Variants in ZNF106 observed in about 807,000 individuals in gnomAD.
ZNF106 encodes SH3-domain binding protein 3.
Under a neutral mutation model 195.1 loss-of-function variants are expected in ZNF106, and 67 were observed. That is an observed-to-expected ratio of 0.34 (90% CI 0.28 to 0.42). ZNF106 has a LOEUF of 0.42. Among genes scored for constraint, ZNF106 ranks in the 10% least tolerant of loss-of-function variants. The pLI is 1.00. For synonymous variants in ZNF106, 784 were observed against 818.6 expected (o/e 0.96, Z 0.72); for missense variants, 2,118 against 2,304.5 (o/e 0.92, Z 1.66).
rs1301850048 is a variant in ZNF106, at chr15:42,430,669, A to G, written c.4882-2535T>C. 2.6e-5 allele frequency among the ~76,000 whole-genome samples: 4 copies of G among 152,004 alleles called. No individual in the cohort carries two copies. The East Asian group carries it at 7.7e-4, about 29-fold the overall frequency. ...TAAAGTGTTAAGATTATAGGCATGA[A>G]CCACTGCACCTGGCTATAGGAATTT... On this transcript the variant is annotated intron_variant, in intron 14 of 21. Coordinates refer to ENST00000564754, the MANE Select transcript of ZNF106 (RefSeq NM_001366845.3).
intron 1 of ZNF106, among the ~76,000 whole-genome samples, chr15:42,479,481 A>G (rs928916969): frequency 1.3e-5 from 2 of 152,154 alleles, no homozygotes; most frequent in African/African-American, 4.8e-5. Context: ...TTATATATAC[A>G]CTTGGGGAAA....
intron 3 of ZNF106, among the ~76,000 whole-genome samples, chr15:42,458,572 G>A (rs1341129132): frequency 6.6e-6 from 1 of 152,044 alleles, no homozygotes; most frequent in Admixed American, 6.5e-5. Flanking sequence ...GCCTGGTGTG[G>A]TGGTGTGCAC....
In ZNF106 at chr15:42,449,888, G is replaced by A; in HGVS notation, c.2384C>T (p.Ser795Phe). ...GHRKSETEKE[S>F]GLKPTLRQIL... The stretch of plus-strand genomic sequence containing the variant: ...CTGCCGTAGGGTTGGCTTGAGCCCA[G>A]ACTCCTTCTCTGTCTCACTCTTTCG... Residue 795 changes from serine (S) to phenylalanine (F), a missense_variant, in exon 5 of 22, where the codon TCT (serine) becomes TTT (phenylalanine). By Grantham distance (155) the Ser-to-Phe change is radical. Transcript: ENST00000564754. 3 of 1,614,164 alleles carry A rather than the reference G, an allele frequency of 1.9e-6. No individual in the cohort carries two copies. Among genetic ancestry groups the A allele is most frequent in the Non-Finnish European group, 2.5e-6 (3 of 1,180,032 alleles).
At chr15:42,486,408 C>T (rs1271940533) in intron 1 of ZNF106, among the ~76,000 whole-genome samples, 9 of 152,002 alleles carry the variant, frequency 5.9e-5, no homozygotes, top group East Asian at 1.9e-4. Context: ...TACAGGTATA[C>T]GCTACTATAC....
intron 3 of ZNF106, among the ~76,000 whole-genome samples, chr15:42,465,708 G>C (rs1355867630): frequency 6.6e-6 from 1 of 152,188 alleles, no homozygotes; most frequent in Non-Finnish European, 1.5e-5. Context: ...GCAATAATTT[G>C]TAACACTGCT....
At chr15:42,478,431 G>C (rs1385657249) in intron 1 of ZNF106, among the ~76,000 whole-genome samples, 3 of 151,822 alleles carry the variant, frequency 2.0e-5, no homozygotes, top group Non-Finnish European at 1.5e-5. Flanking sequence ...CAAAGTGTTG[G>C]GATTACAGGC....
intron 17 of ZNF106, 129 bp from the exon 18 acceptor site, chr15:42,422,749 T>G (rs2054714107): frequency 2.1e-6 from 2 of 943,270 alleles, no homozygotes; most frequent in Non-Finnish European, 2.9e-6. Context: ...TTAATTGTAT[T>G]AACTGTACAA....
At position 42,439,819 on chromosome 15, in the gene ZNF106, T is replaced by G; in HGVS notation, c.3764-6A>C. 1 of 1,506,850 alleles carries G rather than the reference T, an allele frequency of 6.6e-7. No homozygotes were observed. Among genetic ancestry groups the G allele is most frequent in the Non-Finnish European group, 8.8e-7 (1 of 1,132,316 alleles). 93.3% of individuals were successfully genotyped at this position (1,506,850 alleles called of 1,614,324 possible). On this transcript the variant is annotated splice_region_variant and splice_polypyrimidine_tract_variant and intron_variant, in intron 10 of 21. Transcript: ENST00000564754. ...ACAACTGTCACTGATCTCTCCTGAA[T>G]TGAGAGGAAAAAAATTATTGCATCC...
intron 5 of ZNF106, 60 bp from the exon 6 acceptor site, chr15:42,448,765 AT>A (rs2055869484): frequency 1.3e-6 from 2 of 1,505,730 alleles, no homozygotes; most frequent in Non-Finnish European, 1.8e-6. Context: ...GAGGGGCATT[AT>A]TTTTTAATGT....
intron 2 of ZNF106, 117 bp downstream of exon 2, chr15:42,472,118 AT>A (rs2056683967): frequency 1.0e-6 from 1 of 985,280 alleles, no homozygotes; most frequent in Non-Finnish European, 1.4e-6. Context: ...TAAATAAGAC[AT>A]TGTCAAAGCT....
intron 16 of ZNF106, 143 bp from the exon 17 acceptor site, chr15:42,424,203 A>G: frequency 1.5e-6 from 1 of 662,226 alleles, no homozygotes; most frequent in Non-Finnish European, 2.5e-6. Flanking sequence ...TCTCAGATGA[A>G]TTTTCTCAGC....
intron 2 of ZNF106, among the ~76,000 whole-genome samples, chr15:42,470,272 C>T (rs1476291605): frequency 1.3e-5 from 2 of 152,096 alleles, no homozygotes; most frequent in Non-Finnish European, 2.9e-5. Context: ...ACCTTTTCTC[C>T]TCCATAGTTT....
intron 3 of ZNF106, among the ~76,000 whole-genome samples, chr15:42,460,229 T>C (rs1180984923): frequency 2.0e-5 from 3 of 152,168 alleles, no homozygotes; most frequent in Non-Finnish European, 4.4e-5. Context: ...TCCATGATTT[T>C]ATCCTTACTT....
rs558176779 is a variant in ZNF106, at chr15:42,415,374, G to A, written c.*1930C>T. ...TGACCTTGAGTGATCCACCCGCCTC[G>A]GCCTCCCAAAGAGCTGGGATTACAG... On this transcript the variant is annotated 3_prime_UTR_variant, in exon 22 of 22. Coordinates refer to ENST00000564754, the MANE Select transcript of ZNF106 (RefSeq NM_001366845.3). 4.9e-5 allele frequency: 22 copies of A among 448,140 alleles called. No individual in the cohort carries two copies. The highest frequency in any genetic ancestry group is 3.0e-4 in the South Asian group (19 of 63,084). 27.8% of individuals were successfully genotyped at this position (448,140 alleles called of 1,614,324 possible).
chr15:42,433,159 G>A (rs1206710184), intron 14 of ZNF106, among the ~76,000 whole-genome samples: 1 of 152,020 alleles, frequency 6.6e-6, no homozygotes, highest in Non-Finnish European at 1.5e-5. Context: ...AGGCTGGAGT[G>A]CAGTGGCGCA....
chr15:42,462,183 G>C (rs371661241), intron 3 of ZNF106, among the ~76,000 whole-genome samples: 1 of 152,268 alleles, frequency 6.6e-6, no homozygotes, highest in East Asian at 1.9e-4. Flanking sequence ...TAAAATGGTA[G>C]ATAAAATCTC....
intron 4 of ZNF106, among the ~76,000 whole-genome samples, chr15:42,455,582 C>T (rs1462908981): frequency 6.6e-6 from 1 of 152,088 alleles, no homozygotes; most frequent in Non-Finnish European, 1.5e-5. Flanking sequence ...GTTGTTATTA[C>T]ATAGATAAGG....
chr15:42,489,865 G>A (rs1330771847), intron 1 of ZNF106, among the ~76,000 whole-genome samples: 2 of 150,612 alleles, frequency 1.3e-5, no homozygotes, highest in East Asian at 2.0e-4. Flanking sequence ...GTGAGACCTC[G>A]TCTCTACTAA....
chr15:42,414,943 G>T lies in ZNF106; in HGVS notation c.*2361C>A, dbSNP rs902244521. On this transcript the variant is annotated 3_prime_UTR_variant, in exon 22 of 22. Coordinates refer to ENST00000564754, the MANE Select transcript of ZNF106 (RefSeq NM_001366845.3). Reference sequence around the variant, plus strand: ...GGGAAAAGCTTCTCAATCTCATACAGAAACAGCACAAATATTTAATACACC... The same window carrying T: ...GGGAAAAGCTTCTCAATCTCATACATAAACAGCACAAATATTTAATACACC... The T allele has an allele frequency of 6.6e-6, 1 of 152,218 alleles. No individual in the cohort carries two copies. Among genetic ancestry groups the T allele is most frequent in the African/African-American group, 2.4e-5 (1 of 41,408 alleles). The allele number at this position is 152,218 out of a possible 1,614,324, so 9.4% of individuals were successfully genotyped here.
Sources: gnomAD v4.1 joint callset for allele counts (sites outside exome capture counted in the v4.1 genomes callset) on GRCh38, gnomAD v4.1.1 for gene constraint, MANE v1.5 for transcripts, NCBI Gene and HGNC (gene_info 2026-07-23, HGNC 2026-07-21) for gene names.